Variants in KCNJ6 observed in about 807,000 individuals in gnomAD.
KCNJ6 encodes the protein potassium inwardly rectifying channel subfamily J member 6.
Under a neutral mutation model 34.2 loss-of-function variants are expected in KCNJ6, and 9 were observed. That is an observed-to-expected ratio of 0.26 (90% CI 0.16 to 0.46). KCNJ6 has a LOEUF of 0.46. Ranked by LOEUF, KCNJ6 falls within the 20% of genes least tolerant of loss-of-function variation. KCNJ6 has a pLI of 1.00. For synonymous variants in KCNJ6, 196 were observed against 207.1 expected (o/e 0.95, Z 0.46); for missense variants, 236 against 531.3 (o/e 0.44, Z 5.46).
chr21:37,872,832 C>T lies in KCNJ6; in HGVS notation c.-27-32123G>A, dbSNP rs535332010. Among the ~76,000 whole-genome samples the T allele has an allele frequency of 8.5e-5, 13 of 152,196 alleles. 1 individual carries two copies. The South Asian group carries it at 1.7e-3, about 19-fold the overall frequency. On this transcript the variant is annotated intron_variant, in intron 1 of 3. Coordinates refer to ENST00000609713, the MANE Select transcript of KCNJ6 (RefSeq NM_002240.5). ...GTAATTGAACCATGGGGTCAGTTTC[C>T]CCCATGCTGTTCTCATGATAGTGTG...
rs142409265 is a variant in KCNJ6, at chr21:37,893,915, G to T, written c.-28+21969C>A. 2.0e-3 allele frequency among the ~76,000 whole-genome samples: 298 copies of T among 152,224 alleles called. 1 individual carries two copies. The highest frequency in any genetic ancestry group is 6.6e-3 in the African/African-American group (275 of 41,540). ...AGCAATGTCAAAAATAGACACAAAC[G>T]AACCCTGCTCAATTCTGGCCTCTTC... On this transcript the variant is annotated intron_variant, in intron 1 of 3. Transcript: ENST00000609713.
chr21:37,875,777 G>A (rs1412787208), intron 1 of KCNJ6, among the ~76,000 whole-genome samples: 1 of 152,202 alleles, frequency 6.6e-6, no homozygotes, highest in Non-Finnish European at 1.5e-5. Flanking sequence ...CCAGAAAATG[G>A]AACTCTTGTG....
At chr21:37,745,221 A>G (rs189625713) in intron 2 of KCNJ6, among the ~76,000 whole-genome samples, 2 of 151,656 alleles carry the variant, frequency 1.3e-5, no homozygotes, top group African/African-American at 4.8e-5. Context: ...CAGCCTTCTG[A>G]GTAGCTGGGA....
chr21:37,766,842 C>T (rs1350544016), intron 2 of KCNJ6, among the ~76,000 whole-genome samples: 1 of 152,140 alleles, frequency 6.6e-6, no homozygotes, highest in Non-Finnish European at 1.5e-5. Flanking sequence ...TCAGTGGAGG[C>T]ATTAGATTCT....
intron 2 of KCNJ6, among the ~76,000 whole-genome samples, chr21:37,737,824 C>A (rs1452104177): frequency 6.6e-6 from 1 of 152,214 alleles, no homozygotes; most frequent in Non-Finnish European, 1.5e-5. Flanking sequence ...CGTCTAGGAA[C>A]CCAAAGACAT....
At chr21:37,741,678 A>G (rs2054941892) in intron 2 of KCNJ6, among the ~76,000 whole-genome samples, 1 of 152,196 alleles carries the variant, frequency 6.6e-6, no homozygotes, top group South Asian at 2.1e-4. Context: ...GCCCCAGCTC[A>G]GACCTTTTCC....
intron 3 of KCNJ6, among the ~76,000 whole-genome samples, chr21:37,703,660 T>A (rs1363070083): frequency 5.3e-5 from 8 of 152,156 alleles, no homozygotes; most frequent in Non-Finnish European, 8.8e-5. Context: ...TCTAACACCC[T>A]CCGTGCCCCC....
intron 2 of KCNJ6, among the ~76,000 whole-genome samples, chr21:37,786,515 G>A (rs2055193292): frequency 6.6e-6 from 1 of 152,226 alleles, no homozygotes; most frequent in Admixed American, 6.5e-5. Flanking sequence ...TCTGGACACT[G>A]TCGTGTGCCC....
At chr21:37,883,488 G>A (rs903933042) in intron 1 of KCNJ6, among the ~76,000 whole-genome samples, 1 of 152,172 alleles carries the variant, frequency 6.6e-6, no homozygotes, top group Non-Finnish European at 1.5e-5. Flanking sequence ...TTACTGGGGA[G>A]CTTGTCATCT....
chr21:37,788,862 A>AT (rs142014972), intron 2 of KCNJ6, among the ~76,000 whole-genome samples: 1,979 of 152,252 alleles, frequency 0.013, 42 homozygotes, highest in African/African-American at 0.046. Context: ...TGAGTGACTC[A>AT]TTTTTGGGAT....
chr21:37,873,908 T>C (rs1483590834), intron 1 of KCNJ6, among the ~76,000 whole-genome samples: 1 of 152,122 alleles, frequency 6.6e-6, no homozygotes, highest in African/African-American at 2.4e-5. Context: ...CCTCAGCATT[T>C]TTCCAGTCCT....
intron 1 of KCNJ6, among the ~76,000 whole-genome samples, chr21:37,846,353 C>CTGTGTG (rs55697215): frequency 0.013 from 1,846 of 144,934 alleles, 17 homozygotes; most frequent in Non-Finnish European, 0.017. Flanking sequence ...CTGAGACACT[C>CTGTGTG]TGTGTGTGTG....
intron 2 of KCNJ6, among the ~76,000 whole-genome samples, chr21:37,758,656 G>T (rs1281014696): frequency 6.7e-6 from 1 of 150,212 alleles, no homozygotes; most frequent in Admixed American, 6.6e-5. Flanking sequence ...TTTTTTTTTT[G>T]AGACAGGGTC....
chr21:37,680,179 T>C (rs201062692), intron 3 of KCNJ6, among the ~76,000 whole-genome samples: 8 of 140,942 alleles, frequency 5.7e-5, no homozygotes, highest in African/African-American at 7.9e-5. Context: ...TTCAACTATA[T>C]TATTTACTCA....
rs76204948 is a variant in KCNJ6, at chr21:37,649,572, C to T, written c.947-24088G>A. ...TGCAAGAGGCTGTCTGCGGCACCAC[C>T]GCGATGTAGCCAGACCCCGCATCAC... On this transcript the variant is annotated intron_variant, in intron 3 of 3. Coordinates refer to ENST00000609713, the MANE Select transcript of KCNJ6 (RefSeq NM_002240.5). Among the ~76,000 whole-genome samples the T allele has an allele frequency of 3.7e-4, 56 of 152,350 alleles. 1 individual carries two copies. The East Asian group carries it at 6.5e-3, about 18-fold the overall frequency.
chr21:37,756,648 AGCGTGAT>A (rs1300715578), intron 2 of KCNJ6, among the ~76,000 whole-genome samples: 1 of 148,336 alleles, frequency 6.7e-6, no homozygotes, highest in African/African-American at 2.6e-5. Context: ...ACTCCCTCAC[AGCGTGAT>A]GATTCCAGCC....
At chr21:37,855,673 C>T (rs1427260169) in intron 1 of KCNJ6, among the ~76,000 whole-genome samples, 3 of 152,276 alleles carry the variant, frequency 2.0e-5, no homozygotes, top group Non-Finnish European at 2.9e-5. Flanking sequence ...CTCTCTCCCC[C>T]GGGGACCAGT....
chr21:37,904,948 G>T (rs2055834251), intron 1 of KCNJ6, among the ~76,000 whole-genome samples: 1 of 152,186 alleles, frequency 6.6e-6, no homozygotes, highest in Admixed American at 6.5e-5. Context: ...AGACACCACA[G>T]CCCCTATCTG....
intron 3 of KCNJ6, among the ~76,000 whole-genome samples, chr21:37,645,107 G>A (rs1261120406): frequency 6.6e-6 from 1 of 151,700 alleles, no homozygotes; most frequent in Non-Finnish European, 1.5e-5. Context: ...GGGTATGGTG[G>A]CTCAAACTCG....
Sources: allele counts gnomAD v4.1 joint callset (sites outside exome capture counted in the v4.1 genomes callset), GRCh38; gene constraint gnomAD v4.1.1; transcripts MANE v1.5; gene names NCBI Gene and HGNC (gene_info 2026-07-23, HGNC 2026-07-21).